RABGAP1L: variants seen among roughly 807,000 people sequenced by gnomAD.
The protein encoded by RABGAP1L is RAB GTPase activating protein 1 like.
Under a neutral mutation model 137.7 loss-of-function variants are expected in RABGAP1L, and 63 were observed. That is an observed-to-expected ratio of 0.46 (90% confidence interval 0.37 to 0.56). The LOEUF (loss-of-function observed/expected upper bound fraction) is 0.56. Among genes scored for constraint, RABGAP1L ranks in the 20% least tolerant of loss-of-function variants. RABGAP1L has a pLI of 0.00. For missense variants in RABGAP1L, 1,095 were observed against 1,244.0 expected (o/e 0.88, Z 1.80); for synonymous variants, 431 against 433.7 (o/e 0.99, Z 0.08).
chr1:174,319,242 A>G (rs1384800990), intron 11 of RABGAP1L, among the ~76,000 whole-genome samples: 1 of 152,032 alleles, frequency 6.6e-6, no homozygotes, highest in Non-Finnish European at 1.5e-5. Context: ...AATTTTCCTC[A>G]TAGATCATGT....
At chr1:174,339,577 G>A (rs941806499) in intron 11 of RABGAP1L, among the ~76,000 whole-genome samples, 2 of 152,028 alleles carry the variant, frequency 1.3e-5, no homozygotes, top group Non-Finnish European at 2.9e-5. Context: ...TTAGTCTTCA[G>A]TGTTGTTAAT....
At chr1:174,271,593 A>G (rs929775022) in intron 7 of RABGAP1L, among the ~76,000 whole-genome samples, 41 of 152,080 alleles carry the variant, frequency 2.7e-4, no homozygotes, top group Non-Finnish European at 1.3e-4. Context: ...GACCTATAAT[A>G]TAGCAGTATG....
chr1:174,248,090 A>G (rs1015432404), intron 5 of RABGAP1L, among the ~76,000 whole-genome samples: 3 of 152,230 alleles, frequency 2.0e-5, no homozygotes, highest in Non-Finnish European at 2.9e-5. Flanking sequence ...ATAGTCTTCA[A>G]TGACATATTT....
In RABGAP1L at chr1:174,349,210, G is replaced by A. The variant is rs1428705873; in HGVS notation, c.1466-21769G>A. On this transcript the variant is annotated intron_variant, in intron 11 of 25. Transcript: ENST00000681986. ...GCGCCCCTCACCTCCCGGACGGGGC[G>A]GCTGGCCGGGCGGGGGGGCTGACCC... Among the ~76,000 whole-genome samples, 116 of 128,162 alleles carry A rather than the reference G, an allele frequency of 9.1e-4. 4 individuals carry two copies. Among genetic ancestry groups the A allele is most frequent in the African/African-American group, 3.0e-3 (96 of 32,348 alleles). The allele number at this position is 128,162 out of a possible 152,430, so 84.1% of individuals were successfully genotyped here. A position where few individuals can be genotyped will look rare whatever the true frequency, so the allele number is the denominator to read the frequency against.
chr1:174,582,159 C>A (rs1005523401), intron 13 of RABGAP1L, among the ~76,000 whole-genome samples: 3 of 152,070 alleles, frequency 2.0e-5, no homozygotes, highest in Admixed American at 6.6e-5. Context: ...ATTGTTTGAG[C>A]CCAGGAGTTT....
chr1:174,310,078 A>C (rs776940208), intron 11 of RABGAP1L, among the ~76,000 whole-genome samples: 5 of 152,098 alleles, frequency 3.3e-5, no homozygotes, highest in Admixed American at 6.6e-5. Context: ...ATTTCTTGAT[A>C]ATTCAATCTT....
intron 3 of RABGAP1L, among the ~76,000 whole-genome samples, chr1:174,230,092 T>C (rs1240019771): frequency 6.6e-6 from 1 of 152,118 alleles, no homozygotes; most frequent in Non-Finnish European, 1.5e-5. Context: ...TTCATGTCCT[T>C]TGTAGGGACA....
intron 11 of RABGAP1L, among the ~76,000 whole-genome samples, chr1:174,334,932 T>A (rs1342206070): frequency 6.6e-6 from 1 of 152,102 alleles, no homozygotes; most frequent in Non-Finnish European, 1.5e-5. Context: ...TAAAATACAA[T>A]TTTCAATTAA....
intron 11 of RABGAP1L, among the ~76,000 whole-genome samples, chr1:174,337,486 A>G (rs181509600): frequency 2.8e-3 from 420 of 152,300 alleles, no homozygotes; most frequent in Non-Finnish European, 4.9e-3. Context: ...AGAAACATAG[A>G]ACATTATGGA....
At chr1:174,512,355 C>T (rs1453892836) in intron 13 of RABGAP1L, among the ~76,000 whole-genome samples, 1 of 152,154 alleles carries the variant, frequency 6.6e-6, no homozygotes, top group Admixed American at 6.5e-5. Flanking sequence ...TCACTGCCTT[C>T]CAGCAAACAT....
chr1:174,620,704 C>G (rs983627432), intron 13 of RABGAP1L, among the ~76,000 whole-genome samples: 1 of 152,022 alleles, frequency 6.6e-6, no homozygotes, highest in Non-Finnish European at 1.5e-5. Flanking sequence ...AATTGACACC[C>G]TAACATCACA....
At chr1:174,498,347 G>C (rs1400614668) in intron 13 of RABGAP1L, among the ~76,000 whole-genome samples, 2 of 152,016 alleles carry the variant, frequency 1.3e-5, no homozygotes, top group Non-Finnish European at 2.9e-5. Context: ...TAATTAAAAG[G>C]TCTTGTTGAA....
At chr1:174,302,332 TG>T (rs1677790830) in intron 10 of RABGAP1L, among the ~76,000 whole-genome samples, 1 of 152,222 alleles carries the variant, frequency 6.6e-6, no homozygotes, top group Non-Finnish European at 1.5e-5. Context: ...TTGTTATTAC[TG>T]TGTACTGAGC....
At chr1:174,962,586 G>T (rs1296313440) in intron 20 of RABGAP1L, among the ~76,000 whole-genome samples, 3 of 152,020 alleles carry the variant, frequency 2.0e-5, no homozygotes, top group Non-Finnish European at 4.4e-5. Context: ...TAATACAAAT[G>T]AAATATTTGA....
intron 19 of RABGAP1L, chr1:174,877,664 A>G: frequency 6.5e-7 from 1 of 1,530,252 alleles, no homozygotes; most frequent in Non-Finnish European, 9.0e-7. Flanking sequence ...CATGATATCT[A>G]TACTCCTGTA....
intron 23 of RABGAP1L, among the ~76,000 whole-genome samples, chr1:174,979,405 A>G (rs1231418854): frequency 6.6e-6 from 1 of 152,202 alleles, no homozygotes. Context: ...GACCAAAACA[A>G]TCTATTGGTT....
intron 13 of RABGAP1L, among the ~76,000 whole-genome samples, chr1:174,555,826 T>A (rs1236190818): frequency 6.6e-6 from 1 of 152,080 alleles, no homozygotes; most frequent in East Asian, 1.9e-4. Flanking sequence ...AGAATATGTC[T>A]CCTATTCTTT....
At chr1:174,384,961 T>C (rs1306960938) in intron 12 of RABGAP1L, among the ~76,000 whole-genome samples, 2 of 152,240 alleles carry the variant, frequency 1.3e-5, no homozygotes, top group African/African-American at 4.8e-5. Context: ...ATAGATTTAT[T>C]TATCTTATAT....
intron 13 of RABGAP1L, among the ~76,000 whole-genome samples, chr1:174,501,306 C>T (rs530406735): frequency 1.7e-4 from 26 of 151,872 alleles, no homozygotes; most frequent in African/African-American, 5.1e-4. Flanking sequence ...CTCTGCCTCC[C>T]GGGTTCAAGC....
Sources: gnomAD v4.1 joint callset for allele counts (sites outside exome capture counted in the v4.1 genomes callset) on GRCh38, gnomAD v4.1.1 for gene constraint, MANE v1.5 for transcripts, NCBI Gene and HGNC (gene_info 2026-07-23, HGNC 2026-07-21) for gene names.